ENTREP2: variants seen among roughly 807,000 people sequenced by gnomAD.
The protein encoded by ENTREP2 is protein ENTREP2.
chr15:29,656,481 C>T, the ENTREP2 span, among the ~76,000 whole-genome samples: 1 of 152,194 alleles, frequency 6.6e-6, no homozygotes, highest in South Asian at 2.1e-4. Context: ...CCTGCCTCAG[C>T]CTCCCAAAGT....
At chr15:29,443,047 C>A in the ENTREP2 span, among the ~76,000 whole-genome samples, 3 of 152,204 alleles carry the variant, frequency 2.0e-5, no homozygotes, top group Non-Finnish European at 4.4e-5. Flanking sequence ...AGGGAAGCCG[C>A]ATGTTTTCAT....
chr15:29,287,291 T>C, the ENTREP2 span, among the ~76,000 whole-genome samples: 41 of 151,940 alleles, frequency 2.7e-4, no homozygotes, highest in Non-Finnish European at 5.6e-4. Context: ...GTTCTCGGCT[T>C]TGCAAGCAGC....
the ENTREP2 span, among the ~76,000 whole-genome samples, chr15:29,531,703 T>C: frequency 2.6e-5 from 4 of 152,372 alleles, 1 homozygote; most frequent in South Asian, 8.3e-4. Flanking sequence ...TCTCACTCTG[T>C]CACCTAGACT....
the ENTREP2 span, among the ~76,000 whole-genome samples, chr15:29,208,765 A>C: frequency 8.5e-5 from 13 of 152,328 alleles, no homozygotes; most frequent in East Asian, 2.5e-3. Flanking sequence ...AATACACGAG[A>C]ATAGCCATGC....
chr15:29,551,874 A>G, the ENTREP2 span, among the ~76,000 whole-genome samples: 21 of 152,284 alleles, frequency 1.4e-4, no homozygotes, highest in Middle Eastern at 3.4e-3. Flanking sequence ...TTAAAGAATA[A>G]CAGAAGGGAA....
the ENTREP2 span, among the ~76,000 whole-genome samples, chr15:29,524,929 G>A: frequency 2.6e-5 from 4 of 152,224 alleles, no homozygotes; most frequent in African/African-American, 7.2e-5. Flanking sequence ...TTTATATCCC[G>A]ATCATTGTCC....
the ENTREP2 span, among the ~76,000 whole-genome samples, chr15:29,633,656 A>G: frequency 6.6e-6 from 1 of 152,194 alleles, no homozygotes; most frequent in Non-Finnish European, 1.5e-5. Context: ...CACACACTTA[A>G]GTTTTGTGAA....
the ENTREP2 span, among the ~76,000 whole-genome samples, chr15:29,454,846 C>T: frequency 2.0e-5 from 3 of 152,194 alleles, no homozygotes; most frequent in South Asian, 4.1e-4. Context: ...GGAAGTAATA[C>T]ACATTCGTTG....
chr15:29,389,915 T>G, the ENTREP2 span, among the ~76,000 whole-genome samples: 1 of 151,966 alleles, frequency 6.6e-6, no homozygotes, highest in Non-Finnish European at 1.5e-5. Context: ...CCCCCACCCC[T>G]CCCTGATACC....
chr15:29,648,809 T>G, the ENTREP2 span, among the ~76,000 whole-genome samples: 37 of 151,938 alleles, frequency 2.4e-4, no homozygotes, highest in African/African-American at 8.2e-4. Flanking sequence ...CGTGGTGGCA[T>G]GTGCCTGTCA....
chr15:29,207,672 C>T, the ENTREP2 span, among the ~76,000 whole-genome samples: 1 of 152,138 alleles, frequency 6.6e-6, no homozygotes, highest in African/African-American at 2.4e-5. Flanking sequence ...GTGCGTTTTA[C>T]AATCCCCTGG....
At chr15:29,666,418 C>A in the ENTREP2 span, among the ~76,000 whole-genome samples, 10 of 151,788 alleles carry the variant, frequency 6.6e-5, no homozygotes, top group East Asian at 7.8e-4. Flanking sequence ...CCCCCACTCA[C>A]CCCCACCCTC....
chr15:29,195,590 T>C, the ENTREP2 span, among the ~76,000 whole-genome samples: 1 of 152,212 alleles, frequency 6.6e-6, no homozygotes, highest in African/African-American at 2.4e-5. Context: ...AGTGGCACAA[T>C]CTCGGCTCAC....
the ENTREP2 span, among the ~76,000 whole-genome samples, chr15:29,459,701 A>G: frequency 2.0e-5 from 3 of 152,148 alleles, no homozygotes; most frequent in East Asian, 5.8e-4. Flanking sequence ...TTCTCCTGTG[A>G]GCCCCACATG....
chr15:29,191,523 G>C, the ENTREP2 span, among the ~76,000 whole-genome samples: 1 of 152,094 alleles, frequency 6.6e-6, no homozygotes, highest in African/African-American at 2.4e-5. Flanking sequence ...GACAAAGACA[G>C]AAGGAGCCGA....
At chr15:29,559,416 C>T in the ENTREP2 span, among the ~76,000 whole-genome samples, 7 of 152,114 alleles carry the variant, frequency 4.6e-5, no homozygotes, top group African/African-American at 1.7e-4. Flanking sequence ...CCCAGAATGC[C>T]TCAGCAGCAT....
chr15:29,372,124 C>G, the ENTREP2 span, among the ~76,000 whole-genome samples: 1 of 152,100 alleles, frequency 6.6e-6, no homozygotes, highest in East Asian at 1.9e-4. Flanking sequence ...ACAGTTGGTT[C>G]TTGAACAACA....
chr15:29,474,528 C>A, the ENTREP2 span, among the ~76,000 whole-genome samples: 2 of 152,096 alleles, frequency 1.3e-5, no homozygotes, highest in African/African-American at 4.8e-5. Flanking sequence ...ACCTCCTTGG[C>A]CACACAGTTC....
the ENTREP2 span, among the ~76,000 whole-genome samples, chr15:29,614,912 T>TA: frequency 6.0e-5 from 9 of 149,344 alleles, no homozygotes; most frequent in Middle Eastern, 3.2e-3. Flanking sequence ...TAAGTAACAA[T>TA]AAAAAAAAAG....
Sources: allele counts gnomAD v4.1 joint callset (sites outside exome capture counted in the v4.1 genomes callset), GRCh38; gene constraint gnomAD v4.1.1; transcripts MANE v1.5; gene names NCBI Gene and HGNC (gene_info 2026-07-23, HGNC 2026-07-21).